Variants in CHRNA2 observed in about 807,000 individuals in gnomAD.
CHRNA2 encodes neuronal acetylcholine receptor subunit alpha-2.
CHRNA2 carries 40 observed loss-of-function variants against 45.5 expected under a neutral mutation model. That is an observed-to-expected ratio of 0.88 (90% CI 0.68 to 1.15). CHRNA2 has a LOEUF of 1.15. Ranked by LOEUF, CHRNA2 falls within the 50% of genes most tolerant of loss-of-function variation. The pLI, the probability that CHRNA2 is intolerant of heterozygous loss-of-function variation, is 0.00. For synonymous variants in CHRNA2, 301 were observed against 296.7 expected, an observed-to-expected ratio of 1.01 and a Z score of -0.15; for missense variants, 655 against 701.7, an observed-to-expected ratio of 0.93 and a Z score of 0.75.
intron 1 of CHRNA2, chr8:27,477,375 ATC>A (rs1226424832): frequency 6.6e-6 from 1 of 152,240 alleles, no homozygotes; most frequent in Non-Finnish European, 1.5e-5. Flanking sequence ...CAAAGCTATC[ATC>A]TGTTTCACCT....
At chr8:27,473,808 C>G (rs752405128) in intron 1 of CHRNA2, among the ~76,000 whole-genome samples, 1 of 152,168 alleles carries the variant, frequency 6.6e-6, no homozygotes, top group Admixed American at 6.5e-5. Context: ...TCTCATCCCC[C>G]CCGTCCACTC....
At chr8:27,465,584 C>A (rs554447086) in intron 5 of CHRNA2, among the ~76,000 whole-genome samples, 2 of 152,056 alleles carry the variant, frequency 1.3e-5, no homozygotes, top group African/African-American at 4.8e-5. Flanking sequence ...GGTGCCACCA[C>A]CACACCCGGC....
Position 27,465,853 on chromosome 8 carries a change from G to A in CHRNA2, c.449+1376C>T, listed in dbSNP as rs919275480. 2.6e-5 allele frequency among the ~76,000 whole-genome samples: 4 copies of A among 152,216 alleles called. No homozygotes were observed. The East Asian group carries it at 7.7e-4, about 29-fold the overall frequency. Reference sequence around the variant, plus strand: ...TGCCTTCCTCTTAACCTTGAGTGGGGTATCTGGGTGGAGGGGATCCATCTC... The same window carrying A: ...TGCCTTCCTCTTAACCTTGAGTGGGATATCTGGGTGGAGGGGATCCATCTC... On this transcript the variant is annotated intron_variant, in intron 5 of 6. Transcript: ENST00000407991.
intron 2 of CHRNA2, 125 bp downstream of exon 2, chr8:27,470,861 G>T: frequency 1.1e-6 from 1 of 948,094 alleles, no homozygotes. Flanking sequence ...CCACCTGGCT[G>T]ATGGCCTCTG....
chr8:27,467,218 T>C lies in CHRNA2; in HGVS notation c.449+11A>G. On this transcript the variant is annotated intron_variant, in intron 5 of 6. Transcript: ENST00000407991. ...TCCCCTCATCCCCCCAGGACCCCAA[T>C]GGCTTCCTACTTGTTGTAGAGAACA... 1 of 1,607,012 alleles carries C rather than the reference T, an allele frequency of 6.2e-7. No individual in the cohort carries two copies. Among genetic ancestry groups the C allele is most frequent in the Non-Finnish European group, 8.5e-7 (1 of 1,173,594 alleles).
intron 2 of CHRNA2, among the ~76,000 whole-genome samples, chr8:27,470,300 G>A (rs918801798): frequency 2.6e-5 from 4 of 152,146 alleles, no homozygotes; most frequent in African/African-American, 7.2e-5. Context: ...ACAGGGAAGT[G>A]GAAGAGACGC....
intron 1 of CHRNA2, among the ~76,000 whole-genome samples, chr8:27,476,514 AG>A (rs1006157933): frequency 2.0e-5 from 3 of 152,224 alleles, no homozygotes; most frequent in African/African-American, 2.4e-5. Context: ...GTTAATACCC[AG>A]GGGAAACTGC....
rs776429147 is a variant in CHRNA2 at position 27,463,383 on chromosome 8, G to A, written c.1060C>T (p.His354Tyr). The A allele has an allele frequency of 2.5e-6, 4 of 1,614,072 alleles. No individual in the cohort carries two copies. The highest frequency in any genetic ancestry group is 3.4e-6 in the Non-Finnish European group (4 of 1,180,020). Residue 354 changes from histidine to tyrosine, a missense_variant, in exon 6 of 7, where the codon CAC becomes TAC. By Grantham distance (83) the His-to-Tyr change is moderately conservative. Coordinates refer to ENST00000407991, the MANE Select transcript of CHRNA2 (RefSeq NM_000742.4). This position sits in a 1 kb window ranked among gnomAD's most constrained non-coding sequence, Gnocchi z 6.1. ...VITVFVLNVHHRSPSTHTMPH... is the reference protein window; with the variant it reads ...VITVFVLNVHYRSPSTHTMPH... ...ATGGTGTGGGTGCTGGGGGAGCGGT[G>A]GTGCACATTGAGCACGAAGACGGTG...
In CHRNA2 at chr8:27,463,108, C is replaced by A; in HGVS notation, c.1335G>T (p.Gly445=). 1.2e-6 allele frequency: 2 copies of A among 1,610,856 alleles called. No homozygotes were observed. Among genetic ancestry groups the A allele is most frequent in the Middle Eastern group, 1.7e-4 (1 of 6,052 alleles). The change falls in exon 6 of 7, where the codon GGG becomes GGT. Residue 445 remains glycine, a synonymous_variant. Transcript: ENST00000407991. This position sits in a 1 kb window ranked among gnomAD's most constrained non-coding sequence, Gnocchi z 6.1. ...GAGCCTCAGCCTTGGGACCTGAGGC[C>A]CCAGAGTGCAGGTGGCCGTGGCTGC... ...TLCSHGHLHS[G]ASGPKAEALL...
chr8:27,469,687 G>C, intron 3 of CHRNA2, 74 bp downstream of exon 3: 1 of 1,569,992 alleles, frequency 6.4e-7, no homozygotes, highest in Non-Finnish European at 8.8e-7. Context: ...CTGGGGTAGA[G>C]GAAGGAGCAG....
At chr8:27,475,847 A>G (rs1813044035) in intron 1 of CHRNA2, among the ~76,000 whole-genome samples, 1 of 152,190 alleles carries the variant, frequency 6.6e-6, no homozygotes, top group Admixed American at 6.5e-5. Flanking sequence ...GAAAAGTGGA[A>G]CTTCCTGTCG....
Position 27,470,975 on chromosome 8 carries a change from C to CA in CHRNA2, c.73+10dup. ...GATGAAGTCTTACAATGACAGGTGA[C>CA]AAACACTCACCTGCTGGGGTCAGAA... On this transcript the variant is annotated intron_variant, in intron 2 of 6. Transcript: ENST00000407991. 17 of 1,613,196 alleles carry CA rather than the reference C, an allele frequency of 1.1e-5. No homozygotes were observed. The highest frequency in any genetic ancestry group is 1.4e-5 in the Non-Finnish European group (17 of 1,179,158).
chr8:27,463,997 A>C lies in CHRNA2; in HGVS notation c.450-4T>G. ...CACTGCAAACTCCCCATCTGCACTG[A>C]GAAGAGGAGAGGAGCTGGGGAGACC... On this transcript the variant is annotated splice_polypyrimidine_tract_variant and splice_region_variant and intron_variant, in intron 5 of 6. Coordinates refer to ENST00000407991, the MANE Select transcript of CHRNA2 (RefSeq NM_000742.4). This position sits in a 1 kb window ranked among gnomAD's most constrained non-coding sequence, Gnocchi z 6.1. 6.2e-7 allele frequency: 1 copy of C among 1,614,032 alleles called. No homozygotes were observed. Among genetic ancestry groups the C allele is most frequent in the South Asian group, 1.1e-5 (1 of 91,078 alleles).
chr8:27,464,223 AGAAG>A (rs1222121694), intron 5 of CHRNA2, among the ~76,000 whole-genome samples: 1 of 152,200 alleles, frequency 6.6e-6, no homozygotes, highest in East Asian at 1.9e-4. Flanking sequence ...TGTGAGGAAT[AGAAG>A]GAAGTACCAA....
In CHRNA2 at chr8:27,463,519, G is replaced by C. The variant is rs752321195; in HGVS notation, c.924C>G (p.Thr308=). 3 of 1,614,100 alleles carry C rather than the reference G, an allele frequency of 1.9e-6. No homozygotes were observed. Among genetic ancestry groups the C allele is most frequent in the Admixed American group, 1.7e-5 (1 of 60,016 alleles). Reference sequence around the variant, plus strand: ...TCTCAGTGATGAGCAGCAGGAAGACGGTGAGTGACAGCAGCACCGAAATGC... The same window carrying C: ...TCTCAGTGATGAGCAGCAGGAAGACCGTGAGTGACAGCAGCACCGAAATGC... ...TLCISVLLSL[T]VFLLLITEII... is the part of the protein sequence containing the mutation. Residue 308 remains threonine, a synonymous_variant, in exon 6 of 7, where the codon ACC becomes ACG. Transcript: ENST00000407991. The surrounding 1 kb of genome is among the most constrained non-coding windows in gnomAD (Gnocchi z 6.1).
chr8:27,467,297 A>G lies in CHRNA2; in HGVS notation c.381T>C (p.Phe127=), dbSNP rs1346753064. 7 of 1,613,976 alleles carry G rather than the reference A, an allele frequency of 4.3e-6. No homozygotes were observed. In the Admixed American group the frequency reaches 5.0e-5, roughly 12 times the overall value. Residue 127 remains phenylalanine, a synonymous_variant, in exon 5 of 7, where the codon TTT becomes TTC. Transcript: ENST00000407991. ...DYKLRWNPTD[F]GNITSLRVPS... ...GGACCCTGAGAGATGTGATGTTGCC[A>G]AAATCAGTGGGGTTCCAGCGCAGTT...
intron 1 of CHRNA2, among the ~76,000 whole-genome samples, chr8:27,476,182 A>G (rs1333405404): frequency 1.3e-5 from 2 of 152,192 alleles, no homozygotes; most frequent in Non-Finnish European, 2.9e-5. Flanking sequence ...ATTCTTCATC[A>G]GGGCCAACAG....
Position 27,473,527 on chromosome 8 carries a change from C to A in CHRNA2, c.-136-2333G>T, listed in dbSNP as rs573355791. Among the ~76,000 whole-genome samples the A allele has an allele frequency of 1.7e-4, 20 of 118,598 alleles. 2 individuals are homozygous for A. Among genetic ancestry groups the A allele is most frequent in the African/African-American group, 5.4e-4 (17 of 31,398 alleles). 77.8% of individuals were successfully genotyped at this position (118,598 alleles called of 152,430 possible). On this transcript the variant is annotated intron_variant, in intron 1 of 6. Transcript: ENST00000407991. ...CCAGCCTGGGCAACATAGTGAGACC[C>A]CCCCCGCCGTCTCTACAAAAAATTC...
rs1280031787 is a variant in CHRNA2 at position 27,469,279 on chromosome 8, T to G, written c.339+56A>C. 4.0e-6 allele frequency: 6 copies of G among 1,513,422 alleles called. No homozygotes were observed. The African/African-American group carries it at 8.3e-5, about 21-fold the overall frequency. 93.7% of individuals were successfully genotyped at this position (1,513,422 alleles called of 1,614,324 possible). On this transcript the variant is annotated intron_variant, in intron 4 of 6. Coordinates refer to ENST00000407991, the MANE Select transcript of CHRNA2 (RefSeq NM_000742.4). ...CTAGCGAAGAAGTCCTGGAGGGGTCTGGGGTCCATGGATTCCCGGTACCCG... is the reference window on the plus strand; with the variant it reads ...CTAGCGAAGAAGTCCTGGAGGGGTCGGGGGTCCATGGATTCCCGGTACCCG...
Sources: allele counts gnomAD v4.1 joint callset (sites outside exome capture counted in the v4.1 genomes callset), GRCh38; gene constraint gnomAD v4.1.1; non-coding constraint Gnocchi (gnomAD v3.1); transcripts MANE v1.5; gene names NCBI Gene and HGNC (gene_info 2026-07-23, HGNC 2026-07-21).